NEGR1: variants seen among roughly 807,000 people sequenced by gnomAD.
The protein encoded by NEGR1 is IgLON family member 4.
A neutral mutation model predicts 40.9 loss-of-function variants in NEGR1; 10 were observed. That is an observed-to-expected ratio of 0.24 (90% CI 0.15 to 0.42). The LOEUF is 0.42. Ranked by LOEUF, NEGR1 falls within the 10% of genes least tolerant of loss-of-function variation. The pLI is 1.00. For synonymous variants in NEGR1, 185 were observed against 166.8 expected (o/e 1.11, Z -0.84); for missense variants, 352 against 438.9 (o/e 0.80, Z 1.77).
intron 6 of NEGR1, among the ~76,000 whole-genome samples, chr1:71,465,639 T>C (rs962316044): frequency 2.6e-5 from 4 of 152,054 alleles, no homozygotes; most frequent in African/African-American, 9.7e-5. Context: ...TTCACTCCTG[T>C]TATTACTAGT....
chr1:72,265,324 T>A (rs1655604102), intron 1 of NEGR1, among the ~76,000 whole-genome samples: 1 of 151,012 alleles, frequency 6.6e-6, no homozygotes, highest in Non-Finnish European at 1.5e-5. Flanking sequence ...TAATTAATTT[T>A]GTGATAGTAA....
rs1658361880 is a variant in NEGR1, at chr1:71,819,860, G to T, written c.410-43563C>A. Among the ~76,000 whole-genome samples, 3 of 152,094 alleles carry T rather than the reference G, an allele frequency of 2.0e-5. No individual in the cohort carries two copies. The South Asian group carries it at 6.2e-4, about 32-fold the overall frequency. ...TGTACAGTTGAAAGACCCTGTAGAT[G>T]AGTATGCTCCACACGGAAGCCAGAA... is the stretch of plus-strand genomic sequence containing the variant. On this transcript the variant is annotated intron_variant, in intron 2 of 6. Transcript: ENST00000357731.
At position 71,556,233 on chromosome 1, in the gene NEGR1, T is replaced by C. The variant is rs187813419; in HGVS notation, c.940+36584A>G. On this transcript the variant is annotated intron_variant, in intron 6 of 6. Transcript: ENST00000357731. ...AATCTGGGGTTTCTCTGCTGCCTTTTAGCATTTGAAGCATAGAACTCACAT... is the reference window on the plus strand; with the variant it reads ...AATCTGGGGTTTCTCTGCTGCCTTTCAGCATTTGAAGCATAGAACTCACAT... Among the ~76,000 whole-genome samples, 155 of 151,724 alleles carry C rather than the reference T, an allele frequency of 1.0e-3. 1 individual carries two copies. The highest frequency in any genetic ancestry group is 2.7e-3 in the Admixed American group (41 of 15,200).
intron 2 of NEGR1, among the ~76,000 whole-genome samples, chr1:71,885,925 A>T (rs1186198355): frequency 6.6e-6 from 1 of 152,204 alleles, no homozygotes; most frequent in Non-Finnish European, 1.5e-5. Context: ...CTATAAATTG[A>T]GTAATATATA....
chr1:71,672,192 T>C (rs1445613571), intron 4 of NEGR1, among the ~76,000 whole-genome samples: 1 of 152,178 alleles, frequency 6.6e-6, no homozygotes. Flanking sequence ...TACCTTGCTG[T>C]TGAGAAAGTT....
intron 1 of NEGR1, among the ~76,000 whole-genome samples, chr1:72,091,038 G>A (rs1018845618): frequency 6.6e-6 from 1 of 152,116 alleles, no homozygotes; most frequent in Admixed American, 6.5e-5. Context: ...TCTGATAAAT[G>A]ATGATTTTTC....
At chr1:71,552,750 C>G (rs61764987) in intron 6 of NEGR1, among the ~76,000 whole-genome samples, 8,310 of 151,114 alleles carry the variant, frequency 0.055, 294 homozygotes, top group Non-Finnish European at 0.078. Context: ...TGCACTAGTT[C>G]CTGAATAAAA....
chr1:71,914,386 G>C (rs1473567742), intron 2 of NEGR1, among the ~76,000 whole-genome samples: 1 of 152,178 alleles, frequency 6.6e-6, no homozygotes, highest in Non-Finnish European at 1.5e-5. Context: ...ACATTTCACA[G>C]AAGAGCTAAA....
chr1:71,924,836 T>C (rs944332911), intron 2 of NEGR1, among the ~76,000 whole-genome samples: 27 of 152,126 alleles, frequency 1.8e-4, no homozygotes, highest in Non-Finnish European at 2.6e-4. Context: ...AATAAGAAGG[T>C]TTTGGCCTCA....
chr1:72,144,908 T>G (rs1371005413), intron 1 of NEGR1, among the ~76,000 whole-genome samples: 1 of 152,122 alleles, frequency 6.6e-6, no homozygotes, highest in East Asian at 1.9e-4. Context: ...GATCTTGGTC[T>G]TTCATCCAAA....
chr1:72,009,033 G>C (rs888642029), intron 1 of NEGR1, among the ~76,000 whole-genome samples: 2 of 151,304 alleles, frequency 1.3e-5, no homozygotes, highest in Non-Finnish European at 2.9e-5. Context: ...AGAAAGAAGG[G>C]GGAGTGATCA....
chr1:72,228,153 G>A (rs1654251595), intron 1 of NEGR1, among the ~76,000 whole-genome samples: 1 of 152,050 alleles, frequency 6.6e-6, no homozygotes, highest in Non-Finnish European at 1.5e-5. Flanking sequence ...TTTGCCACAG[G>A]GTGCCCAGAT....
intron 6 of NEGR1, among the ~76,000 whole-genome samples, chr1:71,493,694 T>G (rs1557545102): frequency 6.6e-6 from 1 of 152,206 alleles, no homozygotes; most frequent in Non-Finnish European, 1.5e-5. Flanking sequence ...AAGAGAATAC[T>G]TCACAATTTC....
At chr1:71,990,280 A>C (rs1342201808) in intron 1 of NEGR1, among the ~76,000 whole-genome samples, 2 of 152,184 alleles carry the variant, frequency 1.3e-5, no homozygotes, top group Non-Finnish European at 2.9e-5. Flanking sequence ...AGTTTGCTGA[A>C]GCGCCTCAAC....
At chr1:71,661,853 T>C (rs1349668645) in intron 4 of NEGR1, among the ~76,000 whole-genome samples, 1 of 152,176 alleles carries the variant, frequency 6.6e-6, no homozygotes, top group African/African-American at 2.4e-5. Flanking sequence ...GAGATTAGGA[T>C]TTTAGCCTCA....
intron 1 of NEGR1, among the ~76,000 whole-genome samples, chr1:72,189,119 C>T (rs1045143094): frequency 2.6e-5 from 4 of 151,468 alleles, no homozygotes; most frequent in Non-Finnish European, 5.9e-5. Flanking sequence ...GACAGTCTCC[C>T]TATTCAAATG....
rs1340949141 is a variant in NEGR1 at position 71,799,789 on chromosome 1, T to C, written c.410-23492A>G. ...GTGCAGAGGCACGATCTTGGCTCACTGCAACCTCCACGTCCTGGGTTCAAG... is the reference window on the plus strand; with the variant it reads ...GTGCAGAGGCACGATCTTGGCTCACCGCAACCTCCACGTCCTGGGTTCAAG... On this transcript the variant is annotated intron_variant, in intron 2 of 6. Coordinates refer to ENST00000357731, the MANE Select transcript of NEGR1 (RefSeq NM_173808.3). Among the ~76,000 whole-genome samples the C allele has an allele frequency of 2.6e-5, 4 of 152,120 alleles. No individual in the cohort carries two copies. The East Asian group carries it at 5.8e-4, about 22-fold the overall frequency.
At chr1:72,260,459 TA>T (rs1232416542) in intron 1 of NEGR1, among the ~76,000 whole-genome samples, 1 of 152,104 alleles carries the variant, frequency 6.6e-6, no homozygotes, top group Non-Finnish European at 1.5e-5. Flanking sequence ...GTTTTTAGAA[TA>T]CACACATTTT....
chr1:71,401,989 A>G lies in NEGR1; in HGVS notation c.*5457T>C, dbSNP rs1312462113. The G allele has an allele frequency of 2.0e-5, 3 of 151,934 alleles. No individual in the cohort carries two copies. Among genetic ancestry groups the G allele is most frequent in the African/African-American group, 7.2e-5 (3 of 41,390 alleles). 9.4% of individuals were successfully genotyped at this position (151,934 alleles called of 1,614,324 possible). Reference sequence around the variant, plus strand: ...ATACAAGGATGTCATAAATATCTATATTTATATTTAAAATGTGCTTATATT... The same window carrying G: ...ATACAAGGATGTCATAAATATCTATGTTTATATTTAAAATGTGCTTATATT... On this transcript the variant is annotated 3_prime_UTR_variant, in exon 7 of 7. Transcript: ENST00000357731.
Sources: allele counts gnomAD v4.1 joint callset (sites outside exome capture counted in the v4.1 genomes callset), GRCh38; gene constraint gnomAD v4.1.1; transcripts MANE v1.5; gene names NCBI Gene and HGNC (gene_info 2026-07-23, HGNC 2026-07-21).